WWP2: variants seen among roughly 807,000 people sequenced by gnomAD.
WWP2 encodes the protein WW domain containing E3 ubiquitin protein ligase 2, also known as NEDD4-like E3 ubiquitin-protein ligase WWP2.
In WWP2, 57 loss-of-function variants were observed where a neutral mutation model predicts 121.0. The observed-to-expected ratio is 0.47, with a 90% CI of 0.38 to 0.59. The LOEUF (loss-of-function observed/expected upper bound fraction) is 0.59, where lower values mean the gene tolerates loss of function less well. WWP2 is among the 20% of genes least tolerant of loss of function. The probability of loss-of-function intolerance (pLI) is 0.00; values close to 1 mark genes in which losing one functional copy is unlikely to be tolerated. For synonymous variants in WWP2, 449 were observed against 441.3 expected (o/e 1.02, Z -0.22); for missense variants, 962 against 1,158.9 (o/e 0.83, Z 2.47).
intron 7 of WWP2, among the ~76,000 whole-genome samples, chr16:69,876,671 G>A (rs1567400405): frequency 6.6e-6 from 1 of 152,122 alleles, no homozygotes; most frequent in Non-Finnish European, 1.5e-5. Flanking sequence ...GCCATAAAAT[G>A]TATTTCTTAA....
chr16:69,764,341 C>T (rs1471838927), intron 1 of WWP2, among the ~76,000 whole-genome samples: 2 of 152,316 alleles, frequency 1.3e-5, no homozygotes, highest in East Asian at 3.9e-4. Flanking sequence ...GCTGGGACTA[C>T]AGGTGGGTGC....
chr16:69,810,222 A>C (rs1479046747), intron 4 of WWP2, among the ~76,000 whole-genome samples: 1 of 152,160 alleles, frequency 6.6e-6, no homozygotes, highest in Non-Finnish European at 1.5e-5. Context: ...TGCCTTTGGC[A>C]GAGGGATGCT....
intron 6 of WWP2, among the ~76,000 whole-genome samples, chr16:69,865,643 G>T (rs142664439): frequency 6.6e-6 from 1 of 152,298 alleles, no homozygotes. Flanking sequence ...TATTTATCAG[G>T]TTATAGGAGA....
At chr16:69,768,710 T>C (rs1162601717) in intron 1 of WWP2, among the ~76,000 whole-genome samples, 1 of 152,218 alleles carries the variant, frequency 6.6e-6, no homozygotes, top group Non-Finnish European at 1.5e-5. Context: ...TTTTGCTTCT[T>C]GTTTTGTCTT....
intron 4 of WWP2, among the ~76,000 whole-genome samples, chr16:69,836,028 C>T (rs1331804356): frequency 6.6e-6 from 1 of 152,086 alleles, no homozygotes; most frequent in Non-Finnish European, 1.5e-5. Flanking sequence ...ATCTCGAACT[C>T]CTGGGCTCAG....
chr16:69,792,759 A>G (rs1286695191), intron 2 of WWP2, among the ~76,000 whole-genome samples: 2 of 152,166 alleles, frequency 1.3e-5, no homozygotes, highest in Admixed American at 1.3e-4. Flanking sequence ...TGGCACAATT[A>G]CAGCTCACTA....
At chr16:69,839,195 T>C (rs1169525884) in intron 4 of WWP2, among the ~76,000 whole-genome samples, 1 of 152,110 alleles carries the variant, frequency 6.6e-6, no homozygotes, top group African/African-American at 2.4e-5. Flanking sequence ...TATGTGGTTT[T>C]GTAAGGTGTG....
intron 10 of WWP2, among the ~76,000 whole-genome samples, chr16:69,922,661 T>G (rs2058580668): frequency 6.6e-6 from 1 of 152,084 alleles, no homozygotes; most frequent in Admixed American, 6.6e-5. Flanking sequence ...AGGTGTGGGG[T>G]TTTTGGCTTT....
chr16:69,866,338 C>T (rs1457812735), intron 6 of WWP2, among the ~76,000 whole-genome samples: 2 of 151,544 alleles, frequency 1.3e-5, no homozygotes, highest in East Asian at 3.9e-4. Context: ...AGTCTTCCTA[C>T]ATTGCCTGGG....
chr16:69,787,225 C>G, intron 2 of WWP2, 145 bp downstream of exon 2: 1 of 553,654 alleles, frequency 1.8e-6, no homozygotes, highest in Non-Finnish European at 3.0e-6. Flanking sequence ...CATCTTGTAG[C>G]TGTAATTCTT....
intron 8 of WWP2, among the ~76,000 whole-genome samples, chr16:69,902,665 G>A (rs1331872697): frequency 1.3e-5 from 2 of 152,202 alleles, no homozygotes; most frequent in Non-Finnish European, 2.9e-5. Flanking sequence ...ATCTCAGTGT[G>A]AAGGAGTTGC....
intron 7 of WWP2, among the ~76,000 whole-genome samples, chr16:69,882,342 A>AT (rs930373435): frequency 2.6e-5 from 4 of 152,104 alleles, no homozygotes; most frequent in South Asian, 2.1e-4. Context: ...TTAGTTTTTA[A>AT]TTTTTTTTAT....
intron 1 of WWP2, among the ~76,000 whole-genome samples, chr16:69,786,508 A>G (rs1430539994): frequency 7.1e-6 from 1 of 141,462 alleles, no homozygotes; most frequent in Non-Finnish European, 1.5e-5. Flanking sequence ...CTGCAGTGCA[A>G]TGGCCGATCT....
At chr16:69,878,489 T>C (rs2057772356) in intron 7 of WWP2, among the ~76,000 whole-genome samples, 1 of 152,252 alleles carries the variant, frequency 6.6e-6, no homozygotes, top group South Asian at 2.1e-4. Flanking sequence ...GTTTTAATTA[T>C]GCAGCATGAA....
intron 2 of WWP2, among the ~76,000 whole-genome samples, chr16:69,792,315 C>G (rs1340713178): frequency 6.6e-6 from 1 of 152,154 alleles, no homozygotes; most frequent in Non-Finnish European, 1.5e-5. Flanking sequence ...CTGTTTGGAA[C>G]TTATTGAGAG....
intron 8 of WWP2, among the ~76,000 whole-genome samples, chr16:69,898,008 C>T: frequency 6.7e-6 from 1 of 148,262 alleles, no homozygotes; most frequent in Non-Finnish European, 1.5e-5. Context: ...GTGGTTTTTT[C>T]TTTTTCTTTT....
chr16:69,882,063 A>G (rs1415534478), intron 7 of WWP2, among the ~76,000 whole-genome samples: 1 of 151,642 alleles, frequency 6.6e-6, no homozygotes, highest in Non-Finnish European at 1.5e-5. Flanking sequence ...CAAATGATCC[A>G]CCTGCTTTGG....
At chr16:69,825,303 A>G (rs1403901916) in intron 4 of WWP2, among the ~76,000 whole-genome samples, 1 of 151,772 alleles carries the variant, frequency 6.6e-6, no homozygotes, top group Non-Finnish European at 1.5e-5. Context: ...AGGCACCTGT[A>G]GTCCCAGCTA....
At chr16:69,866,937 G>C (rs2057536353) in intron 6 of WWP2, among the ~76,000 whole-genome samples, 1 of 151,776 alleles carries the variant, frequency 6.6e-6, no homozygotes, top group Admixed American at 6.6e-5. Context: ...TCCTGGATTC[G>C]AGTGATTCTT....
Sources: allele counts gnomAD v4.1 joint callset (sites outside exome capture counted in the v4.1 genomes callset), GRCh38; gene constraint gnomAD v4.1.1; transcripts MANE v1.5; gene names NCBI Gene and HGNC (gene_info 2026-07-23, HGNC 2026-07-21).